Variants in AFF3 observed in about 807,000 individuals in gnomAD.
AFF3 encodes the protein AF4/FMR2 family member 3.
Under a neutral mutation model 129.7 loss-of-function variants are expected in AFF3, and 32 were observed. The ratio of observed to expected loss-of-function variants is 0.25; its 90% CI spans 0.19 to 0.33. The LOEUF is 0.33. Among genes scored for constraint, AFF3 ranks in the 10% least tolerant of loss-of-function variants. AFF3 has a pLI of 1.00. For synonymous variants in AFF3, 644 were observed against 635.4 expected (o/e 1.01, Z -0.20); for missense variants, 1,373 against 1,592.0 (o/e 0.86, Z 2.34).
chr2:100,010,341 T>A (rs1682409073), intron 4 of AFF3, among the ~76,000 whole-genome samples: 1 of 152,286 alleles, frequency 6.6e-6, no homozygotes, highest in Non-Finnish European at 1.5e-5. Context: ...ACACACAAAT[T>A]ATTGTAAAAT....
At chr2:99,892,612 T>G (rs1232591244) in intron 7 of AFF3, among the ~76,000 whole-genome samples, 1 of 152,220 alleles carries the variant, frequency 6.6e-6, no homozygotes, top group East Asian at 1.9e-4. Context: ...GGGCCCTGCC[T>G]GCATCAACCT....
rs1691048359 is a variant in AFF3 at position 100,104,429 on chromosome 2, A to G, written c.26T>C (p.Leu9Pro). The change falls in exon 4 of 25, where the codon CTC becomes CCC. Residue 9 changes from leucine (L) to proline (P), a missense_variant. This residue lies in a region of AFF3 where 5 missense variants were observed against 19.4 expected (regional missense o/e 0.26). Transcript: ENST00000672756. ...CAGTGACTCGAGGTCCCATTCCTGGAGCAGGGCTAAGTCGAAGCTGTCCAT... is the reference window on the plus strand; with the variant it reads ...CAGTGACTCGAGGTCCCATTCCTGGGGCAGGGCTAAGTCGAAGCTGTCCAT... MDSFDLAL[L>P]QEWDLESLCV... The G allele has an allele frequency of 7.7e-7, 1 of 1,297,830 alleles. No individual in the cohort carries two copies. The highest frequency in any genetic ancestry group is 2.8e-5 in the Admixed American group (1 of 35,582). The allele number at this position is 1,297,830 out of a possible 1,614,324, so 80.4% of individuals were successfully genotyped here.
rs781555531 is a variant in AFF3 at position 99,593,224 on chromosome 2, C to G, written c.2437G>C (p.Ala813Pro). ...SHTSDTPAEKALPKSKRKRKC... is the reference protein window; with the variant it reads ...SHTSDTPAEKPLPKSKRKRKC... The stretch of plus-strand genomic sequence containing the variant: ...CGTTTCCTCTTGGATTTTGGCAAAG[C>G]CTTTTCTGCAGGTGTGTCCGAGGTG... The change falls in exon 15 of 25, where the codon GCT becomes CCT. Residue 813 changes from alanine (A) to proline (P), a missense_variant. Transcript: ENST00000672756. The G allele has an allele frequency of 4.4e-6, 7 of 1,595,378 alleles. No individual in the cohort carries two copies. The Admixed American group carries it at 1.0e-4, about 23-fold the overall frequency.
intron 3 of AFF3, chr2:100,105,033 C>T (rs1437669931): frequency 6.6e-6 from 1 of 151,828 alleles, no homozygotes; most frequent in Non-Finnish European, 1.4e-5. Flanking sequence ...CCGCCCGCCC[C>T]TCAGCAGCCC....
At chr2:100,009,901 G>A (rs974485191) in intron 4 of AFF3, among the ~76,000 whole-genome samples, 3 of 152,174 alleles carry the variant, frequency 2.0e-5, no homozygotes, top group Non-Finnish European at 4.4e-5. Flanking sequence ...CTTAAGATGA[G>A]CTCTGTCCTC....
intron 7 of AFF3, among the ~76,000 whole-genome samples, chr2:99,927,830 GT>G (rs1449139741): frequency 6.6e-6 from 1 of 152,178 alleles, no homozygotes; most frequent in African/African-American, 2.4e-5. Context: ...GACTGATATG[GT>G]TTGGGTGGTT....
intron 12 of AFF3, among the ~76,000 whole-genome samples, chr2:99,667,905 C>T (rs560630935): frequency 2.0e-5 from 3 of 151,900 alleles, no homozygotes; most frequent in Admixed American, 6.6e-5. Flanking sequence ...ACCTGTAATC[C>T]CAGCACTTTG....
intron 4 of AFF3, among the ~76,000 whole-genome samples, chr2:100,067,873 T>C (rs751963371): frequency 8.5e-5 from 13 of 152,148 alleles, no homozygotes; most frequent in Non-Finnish European, 1.5e-4. Flanking sequence ...CCAGAAGACA[T>C]ACAAAAGTCA....
intron 14 of AFF3, 44 bp from the exon 15 acceptor site, chr2:99,594,333 A>T: frequency 6.4e-7 from 1 of 1,560,790 alleles, no homozygotes; most frequent in Non-Finnish European, 8.7e-7. Flanking sequence ...CTTTCATTAC[A>T]GGCTCACTTA....
At chr2:99,826,681 A>G (rs1183415672) in intron 8 of AFF3, among the ~76,000 whole-genome samples, 1 of 152,144 alleles carries the variant, frequency 6.6e-6, no homozygotes, top group Non-Finnish European at 1.5e-5. Context: ...TGTGAGGGGC[A>G]ACGTGGTGAA....
At chr2:99,568,949 G>T in intron 18 of AFF3, 34 bp from the exon 19 acceptor site, 1 of 1,576,642 alleles carries the variant, frequency 6.3e-7, no homozygotes, top group Non-Finnish European at 8.7e-7. Flanking sequence ...ACGTCATTAT[G>T]GCTTAAGTGC....
At chr2:99,603,173 C>T (rs1468848967) in intron 13 of AFF3, among the ~76,000 whole-genome samples, 1 of 152,010 alleles carries the variant, frequency 6.6e-6, no homozygotes, top group Non-Finnish European at 1.5e-5. Flanking sequence ...GATCTTAAGA[C>T]AGAGTAGGGC....
At chr2:100,036,269 G>A in intron 4 of AFF3, among the ~76,000 whole-genome samples, 1 of 151,398 alleles carries the variant, frequency 6.6e-6, no homozygotes, top group East Asian at 1.9e-4. Flanking sequence ...GCCACCCCAG[G>A]TCCTTCTACT....
intron 11 of AFF3, among the ~76,000 whole-genome samples, chr2:99,724,621 A>G (rs1679209061): frequency 6.6e-6 from 1 of 152,068 alleles, no homozygotes; most frequent in South Asian, 2.1e-4. Context: ...ATATGGGGAT[A>G]TTGTTTCTAT....
chr2:99,624,362 T>G (rs763780345), intron 13 of AFF3, among the ~76,000 whole-genome samples: 2 of 152,208 alleles, frequency 1.3e-5, no homozygotes, highest in Non-Finnish European at 2.9e-5. Flanking sequence ...TAAAATAATT[T>G]TGAATTAAAA....
intron 12 of AFF3, among the ~76,000 whole-genome samples, chr2:99,666,787 A>G (rs763816903): frequency 6.6e-6 from 1 of 152,234 alleles, no homozygotes; most frequent in Non-Finnish European, 1.5e-5. Context: ...ACCTCAGAGC[A>G]AAGAAAATGA....
chr2:100,079,856 C>T (rs547581753), intron 4 of AFF3, among the ~76,000 whole-genome samples: 1 of 152,128 alleles, frequency 6.6e-6, no homozygotes. Context: ...ACTCACCACA[C>T]AAAAAGAAGA....
Position 99,872,801 on chromosome 2 carries a change from T to TA in AFF3, c.874-35278_874-35277insT, listed in dbSNP as rs142225639. Among the ~76,000 whole-genome samples the TA allele has an allele frequency of 1.4e-4, 22 of 152,246 alleles. 1 individual carries two copies. In the East Asian group the frequency reaches 4.3e-3, roughly 29 times the overall value. On this transcript the variant is annotated intron_variant, in intron 7 of 24. Transcript: ENST00000672756. ...TTATACGACATTTAAAAAGCCCACA[T>TA]TCATTAACATTACCACTGATCTCAT...
intron 22 of AFF3, among the ~76,000 whole-genome samples, chr2:99,557,186 GATTA>G (rs1675008341): frequency 6.6e-6 from 1 of 151,344 alleles, no homozygotes; most frequent in South Asian, 2.1e-4. Flanking sequence ...ATTTGTTGTT[GATTA>G]ATTAAAAAAA....
Sources: allele counts gnomAD v4.1 joint callset (sites outside exome capture counted in the v4.1 genomes callset), GRCh38; gene constraint gnomAD v4.1.1; regional missense constraint gnomAD v4.1.1; transcripts MANE v1.5; gene names NCBI Gene and HGNC (gene_info 2026-07-23, HGNC 2026-07-21).